Variants in CCNJL observed in about 807,000 individuals in gnomAD.
CCNJL encodes cyclin J like.
A neutral mutation model predicts 33.4 loss-of-function variants in CCNJL; 33 were observed. The observed-to-expected ratio is 0.99, with a 90% confidence interval of 0.75 to 1.32. The LOEUF (loss-of-function observed/expected upper bound fraction) is 1.32. CCNJL is among the 40% of genes most tolerant of loss of function. The pLI, the probability that CCNJL is intolerant of heterozygous loss-of-function variation, is 0.00. For missense variants in CCNJL, 512 were observed against 499.7 expected, an observed-to-expected ratio of 1.02 and a Z score of -0.23; for synonymous variants, 227 against 220.9, an observed-to-expected ratio of 1.03 and a Z score of -0.24.
chr5:160,332,204 C>G (rs1763615641), intron 1 of CCNJL, among the ~76,000 whole-genome samples: 1 of 152,162 alleles, frequency 6.6e-6, no homozygotes, highest in African/African-American at 2.4e-5. Context: ...ACCTCTGCCT[C>G]CTCTTACTGC....
intron 2 of CCNJL, among the ~76,000 whole-genome samples, chr5:160,288,743 T>C (rs1762486811): frequency 7.0e-6 from 1 of 143,078 alleles, no homozygotes; most frequent in Non-Finnish European, 1.5e-5. Flanking sequence ...GGCAGGAGAA[T>C]GGCATGAACC....
chr5:160,300,973 T>C (rs1581003599), intron 2 of CCNJL, among the ~76,000 whole-genome samples: 2 of 152,236 alleles, frequency 1.3e-5, no homozygotes, highest in African/African-American at 2.4e-5. Context: ...TAGCGCAATC[T>C]TGTGGGAATG....
At position 160,259,776 on chromosome 5, in the gene CCNJL, C is replaced by T. The variant is rs376094977; in HGVS notation, c.281-5G>A. 27 of 1,597,700 alleles carry T rather than the reference C, an allele frequency of 1.7e-5. No individual in the cohort carries two copies. Among genetic ancestry groups the T allele is most frequent in the South Asian group, 9.1e-5 (8 of 88,042 alleles). On this transcript the variant is annotated splice_polypyrimidine_tract_variant and splice_region_variant and intron_variant, in intron 3 of 5. Coordinates refer to ENST00000257536, the MANE Select transcript of CCNJL (RefSeq NM_001308173.3). ...CTTCCCGATCCTCGAACTTACCTGT[C>T]GGGGAGCAGGGGAAGCAGGGGTTAC...
chr5:160,321,595 G>C (rs941069305), intron 1 of CCNJL, among the ~76,000 whole-genome samples: 7 of 152,196 alleles, frequency 4.6e-5, no homozygotes, highest in African/African-American at 1.7e-4. Flanking sequence ...AAAATTTCTT[G>C]ATTACGCAAG....
At chr5:160,334,683 G>A (rs1302654540) in intron 1 of CCNJL, among the ~76,000 whole-genome samples, 2 of 152,138 alleles carry the variant, frequency 1.3e-5, no homozygotes, top group African/African-American at 4.8e-5. Context: ...CTGGCCTCTC[G>A]GGATCCATGA....
rs1175559894 is a variant in CCNJL at position 160,249,853 on chromosome 5, AC to A, written c.*3524del. On this transcript the variant is annotated 3_prime_UTR_variant, in exon 6 of 6. Transcript: ENST00000257536. Reference sequence around the variant, plus strand: ...AACTAAACTGGGGAGTTATAAAAATACAACTGAAATATAAAAAACAAACAAA... The same window carrying A: ...AACTAAACTGGGGAGTTATAAAAATAAACTGAAATATAAAAAACAAACAAA... The A allele has an allele frequency of 6.6e-6, 1 of 151,978 alleles. No homozygotes were observed. The highest frequency in any genetic ancestry group is 1.5e-5 in the Non-Finnish European group (1 of 68,008). The allele number at this position is 151,978 out of a possible 1,614,324, so 9.4% of individuals were successfully genotyped here.
At chr5:160,273,316 T>C (rs2113315523) in intron 3 of CCNJL, among the ~76,000 whole-genome samples, 1 of 152,312 alleles carries the variant, frequency 6.6e-6, no homozygotes, top group Admixed American at 6.5e-5. Flanking sequence ...GCCAACAGCA[T>C]TATAACTTCT....
At chr5:160,320,789 CTTTCTT>C (rs1427443211) in intron 1 of CCNJL, among the ~76,000 whole-genome samples, 587 of 35,888 alleles carry the variant, frequency 0.016, 15 homozygotes, top group African/African-American at 0.034. Context: ...TCTTTCTTTC[CTTTCTT>C]TCTTTCTTTC....
chr5:160,271,287 G>A (rs1761824874), intron 3 of CCNJL, among the ~76,000 whole-genome samples: 1 of 151,980 alleles, frequency 6.6e-6, no homozygotes, highest in South Asian at 2.1e-4. Context: ...TGCGATCAGG[G>A]GCTCCTGAAC....
At chr5:160,295,102 G>A (rs1475488295) in intron 2 of CCNJL, 3 of 152,262 alleles carry the variant, frequency 2.0e-5, no homozygotes, top group African/African-American at 7.2e-5. Flanking sequence ...AATCCCCTGG[G>A]GACCTATTTA....
chr5:160,330,245 T>G (rs1225958398), intron 1 of CCNJL, among the ~76,000 whole-genome samples: 3 of 152,152 alleles, frequency 2.0e-5, no homozygotes, highest in Non-Finnish European at 2.9e-5. Context: ...CCTCAAGGGC[T>G]TAAAAACATC....
intron 2 of CCNJL, among the ~76,000 whole-genome samples, chr5:160,282,186 G>A (rs906958871): frequency 1.3e-5 from 2 of 152,184 alleles, no homozygotes; most frequent in Admixed American, 1.3e-4. Context: ...TCCAGGACTA[G>A]AAAGGGATAT....
chr5:160,290,830 T>C (rs1381122068), intron 2 of CCNJL, among the ~76,000 whole-genome samples: 1 of 151,838 alleles, frequency 6.6e-6, no homozygotes, highest in African/African-American at 2.4e-5. Context: ...AAAAACATTA[T>C]TTGTTCCTGA....
At chr5:160,287,684 G>A (rs1307055887) in intron 2 of CCNJL, among the ~76,000 whole-genome samples, 2 of 152,244 alleles carry the variant, frequency 1.3e-5, no homozygotes, top group African/African-American at 4.8e-5. Flanking sequence ...TGAGTGGCCT[G>A]GATTCCAGAA....
chr5:160,284,330 C>A (rs543290933), intron 2 of CCNJL, among the ~76,000 whole-genome samples: 2 of 151,876 alleles, frequency 1.3e-5, no homozygotes, highest in East Asian at 3.9e-4. Flanking sequence ...CTAGCCTGGA[C>A]GACAGAGCCA....
chr5:160,258,412 A>C, intron 4 of CCNJL: 1 of 872,660 alleles, frequency 1.1e-6, no homozygotes, highest in Non-Finnish European at 2.0e-6. Flanking sequence ...GCTTCCTGAG[A>C]ACCTTTATAA....
upstream of CCNJL, chr5:160,315,484 G>T: frequency 2.3e-6 from 1 of 429,850 alleles, no homozygotes; most frequent in Admixed American, 2.5e-5. Context: ...TCCAGCCTGG[G>T]CAACAGAGCG....
At chr5:160,317,179 A>G (rs537248800), upstream of CCNJL, among the ~76,000 whole-genome samples, 4 of 152,228 alleles carry the variant, frequency 2.6e-5, no homozygotes, top group South Asian at 8.3e-4. Context: ...TCAAGAGAAC[A>G]TTTGCCAAAT....
At chr5:160,309,387 C>T (rs566310459) in intron 2 of CCNJL, among the ~76,000 whole-genome samples, 12 of 152,284 alleles carry the variant, frequency 7.9e-5, no homozygotes, top group African/African-American at 2.4e-4. Context: ...CCTCCTGTGT[C>T]GGTCAGGTGA....
Sources: allele counts gnomAD v4.1 joint callset (sites outside exome capture counted in the v4.1 genomes callset), GRCh38; gene constraint gnomAD v4.1.1; transcripts MANE v1.5; gene names NCBI Gene and HGNC (gene_info 2026-07-23, HGNC 2026-07-21).